Variants in SPG7 observed in about 807,000 individuals in gnomAD.
SPG7 encodes the protein mitochondrial inner membrane m-AAA protease component paraplegin.
SPG7 carries 103 observed loss-of-function variants against 81.9 expected under a neutral mutation model. The observed-to-expected ratio is 1.26, with a 90% CI of 1.07 to 1.48. SPG7 has a LOEUF of 1.48. Ranked by LOEUF, SPG7 falls within the 40% of genes most tolerant of loss-of-function variation. The pLI is 0.00. For missense variants in SPG7, 1,241 were observed against 1,087.3 expected, an observed-to-expected ratio of 1.14 and a Z score of -1.99; for synonymous variants, 534 against 444.2, an observed-to-expected ratio of 1.20 and a Z score of -2.54.
intron 6 of SPG7, chr16:89,529,952 G>T (rs1317757149): frequency 9.1e-6 from 3 of 327,936 alleles, no homozygotes; most frequent in Non-Finnish European, 1.8e-5. Flanking sequence ...CAATTCTCCT[G>T]CCTCAGCTTC....
At chr16:89,510,974 A>G (rs953862150) in intron 2 of SPG7, among the ~76,000 whole-genome samples, 1 of 152,192 alleles carries the variant, frequency 6.6e-6, no homozygotes, top group African/African-American at 2.4e-5. Flanking sequence ...CCAGGACTCC[A>G]GGCACACACC....
intron 9 of SPG7, chr16:89,538,924 G>C (rs2058462847): frequency 6.6e-6 from 1 of 151,408 alleles, no homozygotes; most frequent in African/African-American, 2.5e-5. Context: ...AATGTCTTAG[G>C]TCCCAGTGAT....
intron 3 of SPG7, chr16:89,518,226 C>G (rs1248234059): frequency 6.6e-6 from 1 of 152,186 alleles, no homozygotes; most frequent in Non-Finnish European, 1.5e-5. Context: ...TTTGCCACCT[C>G]CTTAAATGAA....
chr16:89,541,362 C>T, intron 9 of SPG7: 1 of 971,086 alleles, frequency 1.0e-6, no homozygotes, highest in Non-Finnish European at 1.2e-6. Context: ...AAGAGCCAGG[C>T]TTAGTATCGT....
At chr16:89,543,649 CTTTTTTTTTTT>C (rs749210071) in intron 9 of SPG7, 1 of 65,268 alleles carries the variant, frequency 1.5e-5, no homozygotes. Context: ...CCAGTGGATT[CTTTTTTTTTTT>C]TTTTTTTTTT....
chr16:89,529,870 G>A (rs572420257), intron 6 of SPG7: 12 of 414,860 alleles, frequency 2.9e-5, no homozygotes, highest in South Asian at 1.1e-4. Context: ...ACGGAGTTTC[G>A]CCCTTCTTGC....
chr16:89,541,246 C>T (rs11641049), intron 9 of SPG7: 27 of 984,694 alleles, frequency 2.7e-5, no homozygotes, highest in African/African-American at 1.9e-4. Flanking sequence ...CGGTGTTCTA[C>T]GCAGCAATAG....
chr16:89,546,539 T>G (rs1283784176), intron 10 of SPG7, 119 bp from the exon 11 acceptor site: 14 of 793,900 alleles, frequency 1.8e-5, no homozygotes, highest in Non-Finnish European at 2.7e-5. Flanking sequence ...TCAGGCATGA[T>G]GGCACACACT....
Position 89,526,335 on chromosome 16 carries a change from G to T in SPG7, c.625G>T (p.Ala209Ser). 3.1e-6 allele frequency: 5 copies of T among 1,614,102 alleles called. No homozygotes were observed. The highest frequency in any genetic ancestry group is 4.2e-6 in the Non-Finnish European group (5 of 1,179,998). Reference sequence around the variant, plus strand: ...TCTCCTTTCTGCCCCCCAGCGGCTAGCCTTGATGTACCGAATGCAGGTTGC... The same window carrying T: ...TCTCCTTTCTGCCCCCCAGCGGCTATCCTTGATGTACCGAATGCAGGTTGC... ...GAVVFGRPRL[A>S]LMYRMQVANI... Residue 209 changes from alanine (A) to serine (S), a missense_variant, in exon 5 of 17, where the codon GCC becomes TCC. By Grantham distance (99) the Ala-to-Ser change is moderately conservative. Coordinates refer to ENST00000645818, the MANE Select transcript of SPG7 (RefSeq NM_003119.4).
At chr16:89,549,082 C>T (rs768158349) in intron 12 of SPG7, 3 of 456,220 alleles carry the variant, frequency 6.6e-6, no homozygotes, top group South Asian at 3.1e-5. Context: ...CTCCGACAGC[C>T]CTGCGGGTCG....
At chr16:89,553,484 C>A in intron 14 of SPG7, 1 of 530,410 alleles carries the variant, frequency 1.9e-6, no homozygotes, top group Non-Finnish European at 3.4e-6. Context: ...CCGGGGGCCC[C>A]TGGGCTCCAG....
chr16:89,535,270 C>T (rs528849338), intron 9 of SPG7, among the ~76,000 whole-genome samples: 144 of 152,310 alleles, frequency 9.5e-4, no homozygotes, highest in Middle Eastern at 6.8e-3. Context: ...CTCCATGTTC[C>T]CTGTGCTGGC....
At chr16:89,541,037 T>A (rs1332524769) in intron 9 of SPG7, 3 of 984,922 alleles carry the variant, frequency 3.0e-6, no homozygotes, top group Non-Finnish European at 3.6e-6. Context: ...TGTATCCTTA[T>A]CACGGTGTTG....
chr16:89,544,987 A>C, intron 10 of SPG7: 1 of 621,074 alleles, frequency 1.6e-6, no homozygotes, highest in South Asian at 1.7e-5. Flanking sequence ...CATTGGCTGC[A>C]CGCCCCCTGG....
chr16:89,546,739 G>A lies in SPG7; in HGVS notation c.1531G>A (p.Glu511Lys), dbSNP rs1198280844. The change falls in exon 11 of 17, where the codon GAG (glutamate) becomes AAG (lysine). Residue 511 changes from glutamate to lysine, a missense_variant. Physicochemically the swap from Glu to Lys is moderately conservative, Grantham distance 56 (BLOSUM62 1). Coordinates refer to ENST00000645818, the MANE Select transcript of SPG7 (RefSeq NM_003119.4). ...CACCTTTTACTCCCAGCGTCTGGCA[G>A]AGCTGACACCAGGATTCAGTGGTAC... The part of the protein sequence containing the change: ...SSTFYSQRLA[E>K]LTPGFSGADI... 1 of 1,612,284 alleles carries A rather than the reference G, an allele frequency of 6.2e-7. No homozygotes were observed. The highest frequency in any genetic ancestry group is 1.7e-5 in the Admixed American group (1 of 60,026).
At chr16:89,514,043 G>A (rs2058057213) in intron 3 of SPG7, among the ~76,000 whole-genome samples, 1 of 152,152 alleles carries the variant, frequency 6.6e-6, no homozygotes, top group Non-Finnish European at 1.5e-5. Flanking sequence ...TGAGAGAGGA[G>A]CTCTGACTCT....
rs141735935 is a variant in SPG7, at chr16:89,555,589, C to T, written c.2181+1026C>T. 2.5e-3 allele frequency: 774 copies of T among 304,586 alleles called. 9 individuals are homozygous for T. The highest frequency in any genetic ancestry group is 0.015 in the African/African-American group (716 of 46,398). 18.9% of individuals were successfully genotyped at this position (304,586 alleles called of 1,614,324 possible). A position where few individuals can be genotyped will look rare whatever the true frequency, so the allele number is the denominator to read the frequency against. ...TGGGAGTCCACATGGCGTTTGATCG[C>T]CCATCTTCTTAGGCTCCTCTGGGGT... On this transcript the variant is annotated intron_variant, in intron 16 of 16. Transcript: ENST00000645818.
At chr16:89,532,392 G>C in intron 8 of SPG7, 71 bp from the exon 9 acceptor site, 3 of 1,555,144 alleles carry the variant, frequency 1.9e-6, no homozygotes, top group Non-Finnish European at 2.7e-6. Flanking sequence ...AACTTTGTCT[G>C]GCCCGGGTAC....
At chr16:89,530,657 C>G in intron 6 of SPG7, 26 bp from the exon 7 acceptor site, 2 of 1,614,052 alleles carry the variant, frequency 1.2e-6, no homozygotes, top group Non-Finnish European at 8.5e-7. Flanking sequence ...TCGCCCAGCT[C>G]CTTGCACTTT....
Sources: allele counts gnomAD v4.1 joint callset (sites outside exome capture counted in the v4.1 genomes callset), GRCh38; gene constraint gnomAD v4.1.1; transcripts MANE v1.5; gene names NCBI Gene and HGNC (gene_info 2026-07-23, HGNC 2026-07-21).